UGT1A4: variants seen among roughly 807,000 people sequenced by gnomAD.
UGT1A4 encodes the protein UDP-glucuronosyltransferase 1A4.
In UGT1A4, 32 loss-of-function variants were observed where a neutral mutation model predicts 41.1. The ratio of observed to expected loss-of-function variants is 0.78; its 90% CI spans 0.59 to 1.05. The LOEUF (loss-of-function observed/expected upper bound fraction) is 1.05, where lower values mean the gene tolerates loss of function less well. UGT1A4 is among the 50% of genes least tolerant of loss of function. UGT1A4 has a pLI of 0.00. For missense variants in UGT1A4, 748 were observed against 677.4 expected (o/e 1.10, Z -1.16); for synonymous variants, 283 against 265.1 (o/e 1.07, Z -0.66).
At chr2:233,733,336 C>T (rs185739129) in intron 1 of UGT1A4, among the ~76,000 whole-genome samples, 4 of 152,264 alleles carry the variant, frequency 2.6e-5, no homozygotes, top group Admixed American at 2.6e-4. Context: ...CCAGAACTTC[C>T]AACAGTATGT....
intron 1 of UGT1A4, chr2:233,748,125 T>C: frequency 6.2e-7 from 1 of 1,610,546 alleles, no homozygotes; most frequent in South Asian, 1.1e-5. Context: ...GGCAAAACAG[T>C]TTTTAAAAAT....
chr2:233,746,436 G>A (rs1200457799), intron 1 of UGT1A4, among the ~76,000 whole-genome samples: 2 of 151,690 alleles, frequency 1.3e-5, no homozygotes, highest in African/African-American at 4.9e-5. Flanking sequence ...TATGTCTTCA[G>A]CTTAAAAAGA....
In UGT1A4 at chr2:233,719,788, G is replaced by T. The variant is rs184331208; in HGVS notation, c.867+101G>T. 800 of 1,609,458 alleles carry T rather than the reference G, an allele frequency of 5.0e-4. 15 individuals are homozygous for T. The East Asian group carries it at 0.012, about 25-fold the overall frequency. On this transcript the variant is annotated intron_variant, in intron 1 of 4. Transcript: ENST00000373409. ...TTCCATATCTACTTATCTTTCCAAA[G>T]ATTTTATTTTGGCTTCTTTATAACA...
At chr2:233,736,085 G>T (rs1296774053) in intron 1 of UGT1A4, among the ~76,000 whole-genome samples, 5 of 152,146 alleles carry the variant, frequency 3.3e-5, no homozygotes, top group African/African-American at 9.7e-5. Flanking sequence ...AGTTCTCCTG[G>T]ATAATATCCT....
At chr2:233,748,112 C>T in intron 1 of UGT1A4, 1 of 1,611,964 alleles carries the variant, frequency 6.2e-7, no homozygotes, top group South Asian at 1.1e-5. Flanking sequence ...AATCAATGTT[C>T]CAGGCAAAAC....
intron 1 of UGT1A4, chr2:233,747,510 T>C (rs1693700936): frequency 1.9e-6 from 3 of 1,608,048 alleles, no homozygotes; most frequent in Non-Finnish European, 2.6e-6. Flanking sequence ...CACTCAACTG[T>C]ACTTTGAAAC....
In UGT1A4 at chr2:233,723,244, C is replaced by T. The variant is rs1231451860; in HGVS notation, c.867+3557C>T. On this transcript the variant is annotated intron_variant, in intron 1 of 4. Transcript: ENST00000373409. ...TTTTTTTTTTTGAGTTGGAGTCCTG[C>T]TGTCACCCAGGCTGGAGTGCAATGG... Among the ~76,000 whole-genome samples the T allele has an allele frequency of 1.8e-5, 2 of 112,620 alleles. 1 individual carries two copies. Among genetic ancestry groups the T allele is most frequent in the East Asian group, 4.7e-4 (2 of 4,276 alleles). 73.9% of individuals were successfully genotyped at this position (112,620 alleles called of 152,430 possible).
chr2:233,757,115 C>G lies in UGT1A4; in HGVS notation c.868-9919C>G, dbSNP rs11568319. ...CAGAGGGAGGGGGCAAGCAGAAGGG[C>G]TAGAGAGGAGGAATGAGCTTGGACA... On this transcript the variant is annotated intron_variant, in intron 1 of 4. Transcript: ENST00000373409. 7.2e-4 allele frequency among the ~76,000 whole-genome samples: 109 copies of G among 150,950 alleles called. 1 individual carries two copies. In the East Asian group the frequency reaches 0.02, roughly 28 times the overall value.
rs754549295 is a variant in UGT1A4, at chr2:233,768,434, C to A, written c.1302C>A (p.Asp434Glu). 1 of 1,613,634 alleles carries A rather than the reference C, an allele frequency of 6.2e-7. No individual in the cohort carries two copies. Among genetic ancestry groups the A allele is most frequent in the Non-Finnish European group, 8.5e-7 (1 of 1,179,838 alleles). Residue 434 changes from aspartate (D) to glutamate (E), a missense_variant, in exon 4 of 5, where the codon GAC becomes GAA. Coordinates refer to ENST00000373409, the MANE Select transcript of UGT1A4 (RefSeq NM_007120.3). ...LENALKAVIN[D>E]KSYKENIMRL... The stretch of plus-strand genomic sequence containing the variant: ...ATGCTCTAAAAGCAGTCATCAATGA[C>A]AAAAGGTAAGAAAGAAGATACAGAA...
intron 1 of UGT1A4, among the ~76,000 whole-genome samples, chr2:233,761,658 A>G (rs1473319616): frequency 6.6e-6 from 1 of 152,256 alleles, no homozygotes; most frequent in East Asian, 1.9e-4. Flanking sequence ...TAATGAGTGA[A>G]TCACCAGACA....
At chr2:233,760,401 C>T (rs2125983506) in intron 1 of UGT1A4, 1 of 1,614,220 alleles carries the variant, frequency 6.2e-7, no homozygotes, top group Non-Finnish European at 8.5e-7. Flanking sequence ...TGGATGGCAG[C>T]CACTGGCTGA....
chr2:233,740,447 GAGA>G (rs1243845787), intron 1 of UGT1A4, among the ~76,000 whole-genome samples: 2 of 151,994 alleles, frequency 1.3e-5, no homozygotes, highest in African/African-American at 2.4e-5. Flanking sequence ...GGAATCAGAG[GAGA>G]AGAAGATGAT....
chr2:233,766,080 C>A (rs1198931583), intron 1 of UGT1A4, among the ~76,000 whole-genome samples: 1 of 152,194 alleles, frequency 6.6e-6, no homozygotes, highest in African/African-American at 2.4e-5. Context: ...TACCTTGTCG[C>A]AAGGACAGAG....
intron 1 of UGT1A4, among the ~76,000 whole-genome samples, chr2:233,764,720 G>A (rs1488683607): frequency 6.6e-6 from 1 of 152,208 alleles, no homozygotes; most frequent in African/African-American, 2.4e-5. Flanking sequence ...CCCCAAGAAA[G>A]AGGGAGAGAA....
Position 233,719,177 on chromosome 2 carries a change from T to C in UGT1A4, c.357T>C (p.Asn119=), listed in dbSNP as rs779768748. Reference sequence around the variant, plus strand: ...CTAGAAGTATGGCAATTATGAACAATGTATCTTTGGCCCTTCATAGGTGTT... The same window carrying C: ...CTAGAAGTATGGCAATTATGAACAACGTATCTTTGGCCCTTCATAGGTGTT... ...RYSRSMAIMN[N]VSLALHRCCV... is the part of the protein sequence containing the mutation. Residue 119 remains asparagine (N), a synonymous_variant, in exon 1 of 5, where the codon AAT becomes AAC. Transcript: ENST00000373409. The C allele has an allele frequency of 1.1e-5, 17 of 1,614,142 alleles. No homozygotes were observed. In the East Asian group the frequency reaches 3.6e-4, roughly 34 times the overall value.
chr2:233,722,361 T>C (rs28898615), intron 1 of UGT1A4, among the ~76,000 whole-genome samples: 12,155 of 152,314 alleles, frequency 0.08, 624 homozygotes, highest in East Asian at 0.2. Flanking sequence ...TATACAAGAC[T>C]AAAGTTGAAA....
At chr2:233,739,301 C>A (rs1691042342) in intron 1 of UGT1A4, among the ~76,000 whole-genome samples, 1 of 152,160 alleles carries the variant, frequency 6.6e-6, no homozygotes, top group Non-Finnish European at 1.5e-5. Context: ...TGGGGCACTG[C>A]CTAGTGGAGT....
At chr2:233,740,156 C>A (rs578012287) in intron 1 of UGT1A4, among the ~76,000 whole-genome samples, 33 of 151,986 alleles carry the variant, frequency 2.2e-4, no homozygotes, top group Non-Finnish European at 3.7e-4. Flanking sequence ...GAGGCCTCCC[C>A]AGTCATGTGG....
intron 1 of UGT1A4, among the ~76,000 whole-genome samples, chr2:233,748,668 G>C (rs1413455817): frequency 6.6e-6 from 1 of 151,746 alleles, no homozygotes; most frequent in East Asian, 1.9e-4. Context: ...TTCCAGAGAG[G>C]GATCTGTGCT....
Sources: gnomAD v4.1 joint callset for allele counts (sites outside exome capture counted in the v4.1 genomes callset) on GRCh38, gnomAD v4.1.1 for gene constraint, MANE v1.5 for transcripts, NCBI Gene and HGNC (gene_info 2026-07-23, HGNC 2026-07-21) for gene names.